THSD7B: variants seen among roughly 807,000 people sequenced by gnomAD.
THSD7B encodes thrombospondin type 1 domain containing 7B, also known as thrombospondin type-1 domain-containing protein 7B.
THSD7B carries 138 observed loss-of-function variants against 213.6 expected under a neutral mutation model. The ratio of observed to expected loss-of-function variants is 0.65; its 90% CI spans 0.56 to 0.74. THSD7B has a LOEUF of 0.74. Ranked by LOEUF, THSD7B falls within the 30% of genes least tolerant of loss-of-function variation. The pLI is 0.00. For synonymous variants in THSD7B, 742 were observed against 687.0 expected, an observed-to-expected ratio of 1.08 and a Z score of -1.25; for missense variants, 1,931 against 1,991.5, an observed-to-expected ratio of 0.97 and a Z score of 0.58.
Position 136,940,438 on chromosome 2 carries a change from A to G in THSD7B, c.139+58121A>G, listed in dbSNP as rs147093022. On this transcript the variant is annotated intron_variant, in intron 2 of 27. Coordinates refer to ENST00000409968, the MANE Select transcript of THSD7B (RefSeq NM_001316349.2). Reference sequence around the variant, plus strand: ...TGATGGACCCTAAGCTCTTTTTGATAAAGCCTTAATATTTTATCAAACATT... The same window carrying G: ...TGATGGACCCTAAGCTCTTTTTGATGAAGCCTTAATATTTTATCAAACATT... Among the ~76,000 whole-genome samples, 568 of 152,150 alleles carry G rather than the reference A, an allele frequency of 3.7e-3. 2 individuals carry two copies. Among genetic ancestry groups the G allele is most frequent in the African/African-American group, 0.013 (542 of 41,530 alleles).
At chr2:137,462,926 C>T (rs767101631) in intron 15 of THSD7B, among the ~76,000 whole-genome samples, 7 of 151,918 alleles carry the variant, frequency 4.6e-5, no homozygotes, top group Admixed American at 1.3e-4. Flanking sequence ...CTAAGATCTA[C>T]GGTAAGAGGT....
At chr2:137,534,911 A>G (rs1028803230) in intron 15 of THSD7B, among the ~76,000 whole-genome samples, 1 of 151,850 alleles carries the variant, frequency 6.6e-6, no homozygotes, top group Non-Finnish European at 1.5e-5. Context: ...AGAAAAATAT[A>G]GACATATTCA....
At chr2:137,240,548 G>T (rs888367704) in intron 9 of THSD7B, among the ~76,000 whole-genome samples, 1 of 151,114 alleles carries the variant, frequency 6.6e-6, no homozygotes, top group East Asian at 2.0e-4. Context: ...TTGCTTTATT[G>T]TCCAGGCTCT....
chr2:137,616,107 C>G, intron 17 of THSD7B, 68 bp from the exon 18 acceptor site: 2 of 1,536,810 alleles, frequency 1.3e-6, no homozygotes, highest in African/African-American at 1.4e-5. Flanking sequence ...CTACTTATAC[C>G]TGTATATCTT....
At chr2:137,148,416 C>T (rs1044754224) in intron 5 of THSD7B, among the ~76,000 whole-genome samples, 7 of 152,112 alleles carry the variant, frequency 4.6e-5, no homozygotes, top group African/African-American at 1.4e-4. Context: ...TGTAAAGATA[C>T]CTGAAAATGT....
At chr2:136,959,219 T>C (rs1685179126) in intron 2 of THSD7B, among the ~76,000 whole-genome samples, 1 of 152,230 alleles carries the variant, frequency 6.6e-6, no homozygotes, top group South Asian at 2.1e-4. Context: ...ACTTGCTTAA[T>C]AATTTCCTGC....
intron 15 of THSD7B, among the ~76,000 whole-genome samples, chr2:137,562,106 C>A (rs551268065): frequency 6.6e-6 from 1 of 152,262 alleles, no homozygotes; most frequent in Admixed American, 6.5e-5. Context: ...TTACATAGTG[C>A]CTTCCTTTGC....
intron 14 of THSD7B, among the ~76,000 whole-genome samples, chr2:137,412,998 C>T (rs1686705341): frequency 6.6e-6 from 1 of 151,490 alleles, no homozygotes; most frequent in African/African-American, 2.4e-5. Context: ...TAAACGTTCT[C>T]AGTAATACCA....
At chr2:137,032,606 C>T (rs1006193159) in intron 2 of THSD7B, among the ~76,000 whole-genome samples, 6 of 152,158 alleles carry the variant, frequency 3.9e-5, no homozygotes, top group African/African-American at 1.2e-4. Flanking sequence ...CTTTTTCACA[C>T]AATTTAGTAT....
chr2:137,510,137 G>A lies in THSD7B; in HGVS notation c.3139-53084G>A, dbSNP rs1300450045. 4.9e-4 allele frequency among the ~76,000 whole-genome samples: 75 copies of A among 151,922 alleles called. 2 individuals carry two copies. Among genetic ancestry groups the A allele is most frequent in the Admixed American group, 4.9e-3 (75 of 15,266 alleles). The stretch of plus-strand genomic sequence containing the variant: ...ATTTAATATAGTAATTGGTATGATT[G>A]GATTTAGATAAGGAATTTGATTACT... On this transcript the variant is annotated intron_variant, in intron 15 of 27. Transcript: ENST00000409968.
At chr2:136,829,399 G>A (rs1172242243) in intron 1 of THSD7B, among the ~76,000 whole-genome samples, 1 of 152,032 alleles carries the variant, frequency 6.6e-6, no homozygotes, top group Non-Finnish European at 1.5e-5. Flanking sequence ...CCATTGATTT[G>A]CATCCTCTTC....
chr2:137,414,097 C>G (rs1686735282), intron 14 of THSD7B, among the ~76,000 whole-genome samples: 1 of 151,972 alleles, frequency 6.6e-6, no homozygotes, highest in Non-Finnish European at 1.5e-5. Context: ...GAAATGAAAA[C>G]ATCTTGAAAC....
chr2:137,640,882 A>C (rs1682926504), intron 20 of THSD7B, among the ~76,000 whole-genome samples: 1 of 152,188 alleles, frequency 6.6e-6, no homozygotes, highest in African/African-American at 2.4e-5. Context: ...CAGAAGTATA[A>C]ACCTTAAGAA....
chr2:137,065,416 GT>G (rs1687357320), intron 3 of THSD7B, among the ~76,000 whole-genome samples: 1 of 151,670 alleles, frequency 6.6e-6, no homozygotes, highest in African/African-American at 2.4e-5. Flanking sequence ...GATTTTTTCG[GT>G]TTTTCCAAAT....
chr2:137,340,981 GTTTT>G (rs70978213), intron 12 of THSD7B, among the ~76,000 whole-genome samples: 2 of 98,658 alleles, frequency 2.0e-5, no homozygotes, highest in African/African-American at 3.4e-5. Flanking sequence ...TTCTCTTTTT[GTTTT>G]TTTTTTTTTT....
At chr2:137,519,654 C>A (rs984451524) in intron 15 of THSD7B, among the ~76,000 whole-genome samples, 1 of 152,174 alleles carries the variant, frequency 6.6e-6, no homozygotes, top group Non-Finnish European at 1.5e-5. Context: ...CTAGCCCTAA[C>A]AGTTTGAAGG....
At chr2:137,173,888 T>C (rs1315563539) in intron 7 of THSD7B, among the ~76,000 whole-genome samples, 2 of 152,194 alleles carry the variant, frequency 1.3e-5, no homozygotes, top group Non-Finnish European at 2.9e-5. Context: ...ACTGTTGACA[T>C]TAATTTAAAT....
At chr2:137,391,312 T>C (rs1686020876) in intron 12 of THSD7B, among the ~76,000 whole-genome samples, 1 of 152,190 alleles carries the variant, frequency 6.6e-6, no homozygotes, top group African/African-American at 2.4e-5. Flanking sequence ...TATGTCCCTT[T>C]TTTCATTTCT....
chr2:137,582,951 C>T (rs550568726), intron 17 of THSD7B, among the ~76,000 whole-genome samples: 42 of 152,294 alleles, frequency 2.8e-4, no homozygotes, highest in African/African-American at 9.1e-4. Flanking sequence ...TTTACACTCC[C>T]ACCAACAGTG....
Sources: allele counts gnomAD v4.1 joint callset (sites outside exome capture counted in the v4.1 genomes callset), GRCh38; gene constraint gnomAD v4.1.1; transcripts MANE v1.5; gene names NCBI Gene and HGNC (gene_info 2026-07-23, HGNC 2026-07-21).